Variants in TM4SF18 observed in about 807,000 individuals in gnomAD.
The protein encoded by TM4SF18 is transmembrane 4 L6 family member 18.
TM4SF18 carries 22 observed loss-of-function variants against 23.8 expected under a neutral mutation model. The ratio of observed to expected loss-of-function variants is 0.92; its 90% CI spans 0.66 to 1.32. The LOEUF (loss-of-function observed/expected upper bound fraction) is 1.32, where lower values mean the gene tolerates loss of function less well. TM4SF18 is among the 40% of genes most tolerant of loss of function. TM4SF18 has a pLI of 0.00. For missense variants in TM4SF18, 255 were observed against 240.3 expected (o/e 1.06, Z -0.41); for synonymous variants, 87 against 87.9 (o/e 0.99, Z 0.06).
chr3:149,328,964 T>C (rs1406449705), intron 3 of TM4SF18, among the ~76,000 whole-genome samples: 1 of 152,214 alleles, frequency 6.6e-6, no homozygotes, highest in Non-Finnish European at 1.5e-5. Context: ...GAAGTGCTAA[T>C]AGTGAGTTAA....
At position 149,333,336 on chromosome 3, in the gene TM4SF18, G is replaced by A. The variant is rs913793449; in HGVS notation, c.47C>T (p.Pro16Leu). 2.8e-5 allele frequency: 45 copies of A among 1,613,268 alleles called. No individual in the cohort carries two copies. Among genetic ancestry groups the A allele is most frequent in the African/African-American group, 5.3e-5 (4 of 74,870 alleles). ...CACGATTATACTCCAAAGTGCAAGCGGAATCAGCAAACAACTTAGGCAGCC... is the reference window on the plus strand; with the variant it reads ...CACGATTATACTCCAAAGTGCAAGCAGAATCAGCAAACAACTTAGGCAGCC... ...CGGCLSCLLIPLALWSIIVNI... is the reference protein window; with the variant it reads ...CGGCLSCLLILLALWSIIVNI... Residue 16 changes from proline (P) to leucine (L), a missense_variant, in exon 2 of 6, where the codon CCG (proline) becomes CTG (leucine). By Grantham distance (98) the Pro-to-Leu change is moderately conservative. Transcript: ENST00000296059.
intron 2 of TM4SF18, among the ~76,000 whole-genome samples, chr3:149,331,040 G>T (rs1731075559): frequency 1.3e-5 from 2 of 152,072 alleles, no homozygotes; most frequent in South Asian, 4.1e-4. Context: ...TAGGCAAAAG[G>T]CCAGAGCTCT....
At chr3:149,327,293 G>A (rs967276751) in intron 3 of TM4SF18, among the ~76,000 whole-genome samples, 1 of 152,188 alleles carries the variant, frequency 6.6e-6, no homozygotes, top group South Asian at 2.1e-4. Context: ...TTTTTGAGCA[G>A]GAAGTGATAT....
chr3:149,333,482 C>CTATTTT, intron 1 of TM4SF18, 31 bp downstream of exon 1: 20 of 235,256 alleles, frequency 8.5e-5, no homozygotes, highest in Non-Finnish European at 1.2e-4. Context: ...CTCTCTCTCT[C>CTATTTT]TTTTTTTTTT....
intron 2 of TM4SF18, among the ~76,000 whole-genome samples, chr3:149,332,341 G>T (rs1309710626): frequency 6.6e-6 from 1 of 152,092 alleles, no homozygotes; most frequent in Non-Finnish European, 1.5e-5. Flanking sequence ...TACATTATTG[G>T]TGGTCTGATT....
rs772461069 is a variant in TM4SF18, at chr3:149,324,976, C to T, written c.314G>A (p.Gly105Glu). The part of the protein sequence containing the change: ...IFSSLGIAFS[G>E]YCLVISALGL... The stretch of plus-strand genomic sequence containing the variant: ...CAAGGCAGAGATGACCAGGCAGTAT[C>T]CAGAAAAAGCAATTCCGAGGGAAGA... Residue 105 changes from glycine (G) to glutamate (E), a missense_variant, in exon 4 of 6, where the codon GGA becomes GAA. Physicochemically the swap from Gly to Glu is moderately conservative, Grantham distance 98 (BLOSUM62 -2). Coordinates refer to ENST00000296059, the MANE Select transcript of TM4SF18 (RefSeq NM_138786.4). 1.2e-6 allele frequency: 2 copies of T among 1,613,926 alleles called. No individual in the cohort carries two copies. Among genetic ancestry groups the T allele is most frequent in the African/African-American group, 1.3e-5 (1 of 74,872 alleles).
At chr3:149,332,586 A>G (rs1731108652) in intron 2 of TM4SF18, among the ~76,000 whole-genome samples, 1 of 152,240 alleles carries the variant, frequency 6.6e-6, no homozygotes, top group Admixed American at 6.5e-5. Flanking sequence ...TCATTCTTTA[A>G]TAATCATAAT....
rs1210805030 is a variant in TM4SF18, at chr3:149,324,944, C to A, written c.346G>T (p.Val116Phe). 6 of 1,614,110 alleles carry A rather than the reference C, an allele frequency of 3.7e-6. No homozygotes were observed. Among genetic ancestry groups the A allele is most frequent in the East Asian group, 2.2e-5 (1 of 44,888 alleles). The change falls in exon 4 of 6, where the codon GTC becomes TTC. Residue 116 changes from valine to phenylalanine, a missense_variant. Physicochemically the swap from Val to Phe is conservative, Grantham distance 50. Coordinates refer to ENST00000296059, the MANE Select transcript of TM4SF18 (RefSeq NM_138786.4). ...YCLVISALGL[V>F]QGPYCRTLDG... is the part of the protein sequence containing the mutation. ...AGGGTGCGGCAATATGGCCCTTGGACAAGACCCAAGGCAGAGATGACCAGG... is the reference window on the plus strand; with the variant it reads ...AGGGTGCGGCAATATGGCCCTTGGAAAAGACCCAAGGCAGAGATGACCAGG...
chr3:149,331,218 A>C (rs573875183), intron 2 of TM4SF18, among the ~76,000 whole-genome samples: 2 of 152,144 alleles, frequency 1.3e-5, no homozygotes, highest in African/African-American at 4.8e-5. Context: ...TTCGTAGCCA[A>C]TGTTTCTAGT....
intron 1 of TM4SF18, 31 bp downstream of exon 1, chr3:149,333,482 C>T (rs370101601): frequency 1.7e-3 from 402 of 237,540 alleles, no homozygotes; most frequent in East Asian, 9.1e-3. Context: ...CTCTCTCTCT[C>T]TTTTTTTTTT....
chr3:149,328,037 A>G (rs1730994659), intron 3 of TM4SF18, among the ~76,000 whole-genome samples: 1 of 152,208 alleles, frequency 6.6e-6, no homozygotes, highest in Non-Finnish European at 1.5e-5. Flanking sequence ...CTATTATTTC[A>G]AGTGCCCTTA....
intron 3 of TM4SF18, among the ~76,000 whole-genome samples, chr3:149,328,069 A>G (rs1215879844): frequency 1.3e-5 from 2 of 152,220 alleles, no homozygotes; most frequent in African/African-American, 4.8e-5. Context: ...TTTGCTTTCC[A>G]GGAATAATTG....
Position 149,321,425 on chromosome 3 carries a change from T to A in TM4SF18, c.*53A>T. On this transcript the variant is annotated 3_prime_UTR_variant, in exon 6 of 6. Coordinates refer to ENST00000296059, the MANE Select transcript of TM4SF18 (RefSeq NM_138786.4). ...TGCCCTCAAGTCTACACAGTTGATA[T>A]AATATTTAGATAGATGGCCATGTCT... The A allele has an allele frequency of 7.4e-7, 1 of 1,352,380 alleles. No individual in the cohort carries two copies. The highest frequency in any genetic ancestry group is 1.4e-5 in the South Asian group (1 of 72,296). The allele number at this position is 1,352,380 out of a possible 1,614,324, so 83.8% of individuals were successfully genotyped here. A position where few individuals can be genotyped will look rare whatever the true frequency, so the allele number is the denominator to read the frequency against.
chr3:149,324,970 C>T lies in TM4SF18; in HGVS notation c.320G>A (p.Cys107Tyr). The T allele has an allele frequency of 1.2e-6, 2 of 1,614,074 alleles. No individual in the cohort carries two copies. Among genetic ancestry groups the T allele is most frequent in the Admixed American group, 3.3e-5 (2 of 60,018 alleles). ...SSLGIAFSGYCLVISALGLVQ... is the reference protein window; with the variant it reads ...SSLGIAFSGYYLVISALGLVQ... Reference sequence around the variant, plus strand: ...AAGACCCAAGGCAGAGATGACCAGGCAGTATCCAGAAAAAGCAATTCCGAG... The same window carrying T: ...AAGACCCAAGGCAGAGATGACCAGGTAGTATCCAGAAAAAGCAATTCCGAG... Residue 107 changes from cysteine to tyrosine, a missense_variant, in exon 4 of 6, where the codon TGC becomes TAC. Transcript: ENST00000296059.
intron 2 of TM4SF18, among the ~76,000 whole-genome samples, chr3:149,332,746 T>A (rs1471963827): frequency 1.3e-5 from 2 of 152,194 alleles, no homozygotes; most frequent in African/African-American, 4.8e-5. Flanking sequence ...GAAGGTCTCA[T>A]GGAACAAATG....
In TM4SF18 at chr3:149,322,151, G is replaced by T. The variant is rs1258581612; in HGVS notation, c.591+105C>A. 3 of 988,228 alleles carry T rather than the reference G, an allele frequency of 3.0e-6. No homozygotes were observed. The South Asian group carries it at 5.4e-5, about 18-fold the overall frequency. The allele number at this position is 988,228 out of a possible 1,614,324, so 61.2% of individuals were successfully genotyped here. On this transcript the variant is annotated intron_variant, in intron 5 of 5. Transcript: ENST00000296059. ...GAATAAAGATGAGGGCAATAGAAAT[G>T]GGGGGAAAGTGATGGAATTCTAGAG...
chr3:149,328,331 A>G (rs1731003802), intron 3 of TM4SF18, among the ~76,000 whole-genome samples: 1 of 152,110 alleles, frequency 6.6e-6, no homozygotes, highest in African/African-American at 2.4e-5. Flanking sequence ...AACCCCTTTT[A>G]TAAGGGCACC....
chr3:149,333,088 A>G, intron 2 of TM4SF18, 118 bp downstream of exon 2: 1 of 1,063,272 alleles, frequency 9.4e-7, no homozygotes. Context: ...CCCTCTTTCA[A>G]ATCCTACACC....
Position 149,320,732 on chromosome 3 carries a change from A to G in TM4SF18, c.*746T>C, listed in dbSNP as rs1214197786. 6.6e-6 allele frequency: 1 copy of G among 152,206 alleles called. No individual in the cohort carries two copies. Among genetic ancestry groups the G allele is most frequent in the African/African-American group, 2.4e-5 (1 of 41,450 alleles). The allele number at this position is 152,206 out of a possible 1,614,324, so 9.4% of individuals were successfully genotyped here. ...ATGCCTTAAAGTTTGGAAAAATAAAAAAATTTTAATAGTGAAAATATGAGT... is the reference window on the plus strand; with the variant it reads ...ATGCCTTAAAGTTTGGAAAAATAAAGAAATTTTAATAGTGAAAATATGAGT... On this transcript the variant is annotated 3_prime_UTR_variant, in exon 6 of 6. Coordinates refer to ENST00000296059, the MANE Select transcript of TM4SF18 (RefSeq NM_138786.4).
Sources: gnomAD v4.1 joint callset for allele counts (sites outside exome capture counted in the v4.1 genomes callset) on GRCh38, gnomAD v4.1.1 for gene constraint, MANE v1.5 for transcripts, NCBI Gene and HGNC (gene_info 2026-07-23, HGNC 2026-07-21) for gene names.